TMEFF2: variants seen among roughly 807,000 people sequenced by gnomAD.
TMEFF2 encodes the protein tomoregulin-2.
TMEFF2 carries 28 observed loss-of-function variants against 53.8 expected under a neutral mutation model. The ratio of observed to expected loss-of-function variants is 0.52; its 90% CI spans 0.39 to 0.71. The LOEUF (loss-of-function observed/expected upper bound fraction) is 0.71, where lower values mean the gene tolerates loss of function less well. TMEFF2 is among the 30% of genes least tolerant of loss of function. TMEFF2 has a pLI of 0.00. For synonymous variants in TMEFF2, 162 were observed against 166.3 expected (o/e 0.97, Z 0.20); for missense variants, 353 against 455.2 (o/e 0.78, Z 2.04).
At chr2:192,134,384 C>G (rs914184178) in intron 4 of TMEFF2, among the ~76,000 whole-genome samples, 3 of 152,156 alleles carry the variant, frequency 2.0e-5, no homozygotes, top group African/African-American at 7.2e-5. Flanking sequence ...ACCCTGATCA[C>G]GCTTGATTTA....
At chr2:191,983,137 CCAATAATAGA>C (rs1221469476) in intron 7 of TMEFF2, among the ~76,000 whole-genome samples, 2 of 152,036 alleles carry the variant, frequency 1.3e-5, no homozygotes, top group African/African-American at 4.8e-5. Context: ...AGAGGAATGA[CCAATAATAGA>C]CAATGGTAGA....
chr2:192,132,665 T>C (rs902368490), intron 4 of TMEFF2, among the ~76,000 whole-genome samples: 1 of 152,072 alleles, frequency 6.6e-6, no homozygotes, highest in East Asian at 1.9e-4. Flanking sequence ...CGGCCAGGCG[T>C]TCCTCCAGGC....
intron 4 of TMEFF2, among the ~76,000 whole-genome samples, chr2:192,065,227 T>TGG (rs780887486): frequency 6.8e-4 from 103 of 151,968 alleles, no homozygotes; most frequent in Non-Finnish European, 1.4e-3. Flanking sequence ...CTTCCTACTT[T>TGG]ATGCATGGTT....
rs1407875918 is a variant in TMEFF2, at chr2:192,121,209, C to G, written c.439+58459G>C. The stretch of plus-strand genomic sequence containing the variant: ...ACAATCAGCGCTAAGAAGATAGAAG[C>G]AAAATGTGCTATAAAGCAGAGGACA... On this transcript the variant is annotated intron_variant, in intron 4 of 9. Transcript: ENST00000272771. Among the ~76,000 whole-genome samples the G allele has an allele frequency of 2.6e-5, 4 of 152,032 alleles. No individual in the cohort carries two copies. In the East Asian group the frequency reaches 7.7e-4, roughly 29 times the overall value.
At position 192,170,562 on chromosome 2, in the gene TMEFF2, C is replaced by T. The variant is rs936739064; in HGVS notation, c.439+9106G>A. On this transcript the variant is annotated intron_variant, in intron 4 of 9. Coordinates refer to ENST00000272771, the MANE Select transcript of TMEFF2 (RefSeq NM_016192.4). ...CCAGTCAGACAAATTACAGGAGAAA[C>T]GAGTAAGAATGCAGCTGGAAAATTA... Among the ~76,000 whole-genome samples, 8 of 151,772 alleles carry T rather than the reference C, an allele frequency of 5.3e-5. No homozygotes were observed. In the South Asian group the frequency reaches 1.0e-3, roughly 20 times the overall value.
At chr2:191,971,287 T>C (rs1450225111) in intron 7 of TMEFF2, among the ~76,000 whole-genome samples, 1 of 152,236 alleles carries the variant, frequency 6.6e-6, no homozygotes, top group African/African-American at 2.4e-5. Context: ...CCTTTCTAAG[T>C]ACATGGTTAA....
chr2:191,950,547 GATT>G, intron 9 of TMEFF2, 140 bp from the exon 10 acceptor site: 1 of 1,257,312 alleles, frequency 8.0e-7, no homozygotes, highest in Non-Finnish European at 1.1e-6. Flanking sequence ...TAGAAGCTTG[GATT>G]ATTTTGGAAA....
chr2:192,147,826 T>C (rs1690291801), intron 4 of TMEFF2, among the ~76,000 whole-genome samples: 1 of 152,052 alleles, frequency 6.6e-6, no homozygotes, highest in Non-Finnish European at 1.5e-5. Context: ...TTTGCTTTTT[T>C]TCCCCCTTAT....
intron 5 of TMEFF2, among the ~76,000 whole-genome samples, chr2:192,010,300 G>A (rs1038724098): frequency 1.3e-5 from 2 of 152,096 alleles, no homozygotes; most frequent in African/African-American, 2.4e-5. Flanking sequence ...AGGACTGTGT[G>A]GTCAGAAATA....
chr2:192,020,520 C>G (rs183066426), intron 5 of TMEFF2, among the ~76,000 whole-genome samples: 71 of 152,044 alleles, frequency 4.7e-4, no homozygotes, highest in Non-Finnish European at 9.0e-4. Context: ...ATATTTTCAA[C>G]TATATTTGAG....
At chr2:192,053,240 CT>C (rs1226132042) in intron 5 of TMEFF2, among the ~76,000 whole-genome samples, 7 of 151,994 alleles carry the variant, frequency 4.6e-5, no homozygotes, top group Non-Finnish European at 2.9e-5. Flanking sequence ...TCTCTTTCCC[CT>C]ATTTATTAAT....
At chr2:192,096,707 G>A (rs1378221017) in intron 4 of TMEFF2, among the ~76,000 whole-genome samples, 1 of 59,378 alleles carries the variant, frequency 1.7e-5, no homozygotes, top group Admixed American at 2.6e-4. Flanking sequence ...GTGGAGTTTC[G>A]CTTTTATTGC....
chr2:192,024,387 AAGAG>A, intron 5 of TMEFF2, among the ~76,000 whole-genome samples: 1 of 152,324 alleles, frequency 6.6e-6, no homozygotes, highest in South Asian at 2.1e-4. Context: ...CATAAGCAGA[AAGAG>A]AGAAGCTTTA....
chr2:192,181,782 G>C (rs1456529431), intron 3 of TMEFF2, among the ~76,000 whole-genome samples: 8 of 151,434 alleles, frequency 5.3e-5, no homozygotes, highest in Admixed American at 2.6e-4. Flanking sequence ...AACTTCAAGG[G>C]GCATGGTCCT....
intron 4 of TMEFF2, among the ~76,000 whole-genome samples, chr2:192,138,287 G>T (rs897324934): frequency 6.6e-6 from 1 of 152,234 alleles, no homozygotes; most frequent in African/African-American, 2.4e-5. Context: ...ATGTGCATCT[G>T]CTTAGAAAAT....
rs370660554 is a variant in TMEFF2 at position 192,086,175 on chromosome 2, A to G, written c.440-28400T>C. 1.4e-4 allele frequency among the ~76,000 whole-genome samples: 21 copies of G among 152,312 alleles called. No individual in the cohort carries two copies. In the East Asian group the frequency reaches 4.1e-3, roughly 29 times the overall value. ...CTAGAGGACTCATTGATATCTGTCC[A>G]CAACTGATAGCATCTAAGCTTTTGG... On this transcript the variant is annotated intron_variant, in intron 4 of 9. Transcript: ENST00000272771.
Position 192,184,449 on chromosome 2 carries a change from T to C in TMEFF2, c.317A>G (p.Asn106Ser), listed in dbSNP as rs375240069. 56 of 1,613,346 alleles carry C rather than the reference T, an allele frequency of 3.5e-5. No homozygotes were observed. The highest frequency in any genetic ancestry group is 4.4e-5 in the Non-Finnish European group (52 of 1,179,486). Residue 106 changes from asparagine to serine, a missense_variant, in exon 3 of 10, where the codon AAT (asparagine) becomes AGT (serine). Asn to Ser is a conservative substitution (Grantham distance 46, BLOSUM62 1). Around this residue, in one of 3 missense-constraint regions of TMEFF2, gnomAD observed 294 missense variants for 397.3 expected, o/e 0.74. Transcript: ENST00000272771. ...ACACTCATTCTGGTAGCTCTCCCCATTGGAGCCACACACAGGCACATAGTC... is the reference window on the plus strand; with the variant it reads ...ACACTCATTCTGGTAGCTCTCCCCACTGGAGCCACACACAGGCACATAGTC... The part of the protein sequence containing the change: ...NNDYVPVCGS[N>S]GESYQNECYL...
intron 4 of TMEFF2, among the ~76,000 whole-genome samples, chr2:192,081,737 A>G (rs1487174447): frequency 1.3e-5 from 2 of 152,082 alleles, no homozygotes; most frequent in Non-Finnish European, 2.9e-5. Context: ...CATGATCTTT[A>G]AAATCATACT....
chr2:192,137,043 A>G (rs1690026926), intron 4 of TMEFF2, among the ~76,000 whole-genome samples: 1 of 152,260 alleles, frequency 6.6e-6, no homozygotes, highest in Non-Finnish European at 1.5e-5. Flanking sequence ...CTTCCATTCA[A>G]CAGATACCGT....
Sources: gnomAD v4.1 joint callset for allele counts (sites outside exome capture counted in the v4.1 genomes callset) on GRCh38, gnomAD v4.1.1 for gene constraint, gnomAD v4.1.1 regional missense constraint, MANE v1.5 for transcripts, NCBI Gene and HGNC (gene_info 2026-07-23, HGNC 2026-07-21) for gene names.